CCDC102B: variants seen among roughly 807,000 people sequenced by gnomAD.
CCDC102B encodes coiled-coil domain-containing protein 102B.
A neutral mutation model predicts 57.4 loss-of-function variants in CCDC102B; 75 were observed. The ratio of observed to expected loss-of-function variants is 1.31; its 90% CI spans 1.08 to 1.58. CCDC102B has a LOEUF of 1.58. CCDC102B is among the 40% of genes most tolerant of loss of function. The probability of loss-of-function intolerance (pLI) is 0.00; values close to 1 mark genes in which losing one functional copy is unlikely to be tolerated. For missense variants in CCDC102B, 636 were observed against 582.6 expected (o/e 1.09, Z -0.94); for synonymous variants, 206 against 201.9 (o/e 1.02, Z -0.17).
chr18:68,998,479 T>G (rs1017608328), intron 6 of CCDC102B, among the ~76,000 whole-genome samples: 3 of 149,104 alleles, frequency 2.0e-5, no homozygotes, highest in Admixed American at 6.7e-5. Context: ...AGGAGACTAA[T>G]AGGATAGATG....
intron 2 of CCDC102B, among the ~76,000 whole-genome samples, chr18:68,758,409 T>G (rs1171064092): frequency 6.6e-6 from 1 of 152,016 alleles, no homozygotes; most frequent in Non-Finnish European, 1.5e-5. Context: ...CAGTATTATT[T>G]AAGATATTTC....
intron 6 of CCDC102B, among the ~76,000 whole-genome samples, chr18:68,991,789 C>T (rs1325186565): frequency 6.6e-6 from 1 of 152,116 alleles, no homozygotes; most frequent in Non-Finnish European, 1.5e-5. Context: ...GTATTTCCTA[C>T]TGTTATATAA....
intron 6 of CCDC102B, among the ~76,000 whole-genome samples, chr18:68,948,806 A>G (rs138939268): frequency 0.019 from 2,957 of 152,264 alleles, 49 homozygotes; most frequent in Middle Eastern, 0.031. Context: ...GTAACTGTGA[A>G]TCAAACCACT....
chr18:68,875,251 T>C (rs1329439026), intron 5 of CCDC102B, among the ~76,000 whole-genome samples: 2 of 152,168 alleles, frequency 1.3e-5, no homozygotes, highest in Non-Finnish European at 2.9e-5. Context: ...GTGAAAACAC[T>C]TATTTTTCCA....
chr18:68,752,046 G>A (rs535157898), intron 2 of CCDC102B, among the ~76,000 whole-genome samples: 1 of 152,254 alleles, frequency 6.6e-6, no homozygotes, highest in South Asian at 2.1e-4. Context: ...CAGATCACGA[G>A]GTCAGGAGTT....
At chr18:68,729,905 T>C (rs182402664) in intron 2 of CCDC102B, among the ~76,000 whole-genome samples, 261 of 152,158 alleles carry the variant, frequency 1.7e-3, no homozygotes, top group African/African-American at 6.2e-3. Flanking sequence ...ATAAGAAAAA[T>C]ACAAAGCACC....
chr18:68,735,691 A>T (rs533704308), intron 2 of CCDC102B, among the ~76,000 whole-genome samples: 1 of 152,230 alleles, frequency 6.6e-6, no homozygotes, highest in African/African-American at 2.4e-5. Context: ...TGCACTTCTT[A>T]CCAGGTGTCC....
At chr18:68,837,844 T>C (rs1201041240) in intron 2 of CCDC102B, among the ~76,000 whole-genome samples, 1 of 152,212 alleles carries the variant, frequency 6.6e-6, no homozygotes. Context: ...ACTTCAATAC[T>C]TTCCGTGAAC....
chr18:68,934,286 A>G (rs913643003), intron 6 of CCDC102B, among the ~76,000 whole-genome samples: 2 of 151,950 alleles, frequency 1.3e-5, no homozygotes, highest in East Asian at 3.9e-4. Context: ...TTTTTTGACT[A>G]TCAGAAAATT....
chr18:68,927,121 T>C (rs953428772), intron 6 of CCDC102B, among the ~76,000 whole-genome samples: 1 of 151,882 alleles, frequency 6.6e-6, no homozygotes, highest in Admixed American at 6.6e-5. Context: ...CGGAAAGTAG[T>C]TATGGTGCAG....
At chr18:69,040,400 GTGTGTGTGTGTGTGTGTGTA>G (rs1205534571) in intron 7 of CCDC102B, among the ~76,000 whole-genome samples, 252 of 15,414 alleles carry the variant, frequency 0.016, 2 homozygotes, top group African/African-American at 0.036. Context: ...GTGTGTGTGT[GTGTGTGTGTGTGTGTGTGTA>G]TGTGTGTGTG....
Position 68,815,883 on chromosome 18 carries a change from A to C in CCDC102B, c.-16+17702A>C, listed in dbSNP as rs1346591217. 2.0e-5 allele frequency among the ~76,000 whole-genome samples: 3 copies of C among 152,210 alleles called. No homozygotes were observed. The South Asian group carries it at 6.2e-4, about 31-fold the overall frequency. On this transcript the variant is annotated intron_variant, in intron 1 of 7. Transcript: ENST00000360242. ...AAAATGTGCATTCCATTTGGAGAGC[A>C]AACAAGGAAAAATCAGTTTGAGTTT...
intron 6 of CCDC102B, among the ~76,000 whole-genome samples, chr18:68,996,428 T>A (rs1248000556): frequency 6.6e-6 from 1 of 152,212 alleles, no homozygotes; most frequent in East Asian, 1.9e-4. Context: ...GCTTCCTGGC[T>A]TTTCGGTTGA....
At chr18:68,813,058 G>A (rs893788386) in intron 1 of CCDC102B, among the ~76,000 whole-genome samples, 2 of 152,072 alleles carry the variant, frequency 1.3e-5, no homozygotes, top group African/African-American at 4.8e-5. Flanking sequence ...CCCATGTGTT[G>A]GGGGAGTGGT....
chr18:68,772,282 C>A (rs1296381615), intron 2 of CCDC102B, among the ~76,000 whole-genome samples: 1 of 151,692 alleles, frequency 6.6e-6, no homozygotes, highest in Non-Finnish European at 1.5e-5. Flanking sequence ...TTTTTTGTTG[C>A]CAGCACAAGG....
intron 6 of CCDC102B, among the ~76,000 whole-genome samples, chr18:68,965,927 G>T (rs190408825): frequency 2.7e-4 from 41 of 152,186 alleles, no homozygotes; most frequent in Non-Finnish European, 4.9e-4. Context: ...TCTCCACTCA[G>T]TTTATGCTAT....
At chr18:68,948,260 G>A (rs2049595085) in intron 6 of CCDC102B, among the ~76,000 whole-genome samples, 1 of 151,760 alleles carries the variant, frequency 6.6e-6, no homozygotes, top group Non-Finnish European at 1.5e-5. Flanking sequence ...CGATGTACAG[G>A]GTAATTTCTG....
intron 6 of CCDC102B, among the ~76,000 whole-genome samples, chr18:68,978,665 A>G (rs931571134): frequency 6.6e-6 from 1 of 152,056 alleles, no homozygotes; most frequent in Non-Finnish European, 1.5e-5. Flanking sequence ...GTGTAGCAAA[A>G]TGTAAACACA....
chr18:68,935,698 C>G (rs1213569377), intron 6 of CCDC102B, among the ~76,000 whole-genome samples: 3 of 151,846 alleles, frequency 2.0e-5, no homozygotes, highest in African/African-American at 7.3e-5. Context: ...AAGATTTTGC[C>G]TTGAAGTTTT....
Sources: gnomAD v4.1 joint callset for allele counts (sites outside exome capture counted in the v4.1 genomes callset) on GRCh38, gnomAD v4.1.1 for gene constraint, MANE v1.5 for transcripts, NCBI Gene and HGNC (gene_info 2026-07-23, HGNC 2026-07-21) for gene names.